The following ZFP37 variants were observed in gnomAD, a reference collection of about 807,000 sequenced individuals.
ZFP37 encodes ZFP37 zinc finger protein.
In ZFP37, 38 loss-of-function variants were observed where a neutral mutation model predicts 52.1. The observed-to-expected ratio is 0.73, with a 90% confidence interval of 0.56 to 0.96. The LOEUF is 0.96. Among genes scored for constraint, ZFP37 ranks in the 40% least tolerant of loss-of-function variants. The pLI, the probability that ZFP37 is intolerant of heterozygous loss-of-function variation, is 0.00. For synonymous variants in ZFP37, 253 were observed against 259.5 expected (o/e 0.98, Z 0.24); for missense variants, 695 against 741.4 (o/e 0.94, Z 0.73).
chr9:113,055,398 T>C (rs889645579), intron 1 of ZFP37, among the ~76,000 whole-genome samples: 4 of 152,262 alleles, frequency 2.6e-5, no homozygotes, highest in Admixed American at 2.6e-4. Flanking sequence ...GTTTATATTT[T>C]ATGATATCTT....
Position 113,042,978 on chromosome 9 carries a change from C to T in ZFP37, c.1640G>A (p.Cys547Tyr), listed in dbSNP as rs903618259. 6.2e-7 allele frequency: 1 copy of T among 1,613,896 alleles called. No individual in the cohort carries two copies. ...GCTAAAGGCTTTCCCACATTCATTA[C>T]ACTCATACGGTTTCTCTCCAGTATG... ...RVHTGEKPYE[C>Y]NECGKAFSQK... Residue 547 changes from cysteine to tyrosine, a missense_variant, in exon 4 of 4, where the codon TGT becomes TAT. Physicochemically the swap from Cys to Tyr is radical, Grantham distance 194. Coordinates refer to ENST00000374227, the MANE Select transcript of ZFP37 (RefSeq NM_003408.3).
At position 113,056,644 on chromosome 9, in the gene ZFP37, G is replaced by C. The variant is rs776761438; in HGVS notation, c.45C>G (p.Thr15=). The C allele has an allele frequency of 1.9e-6, 3 of 1,613,744 alleles. No individual in the cohort carries two copies. Among genetic ancestry groups the C allele is most frequent in the Non-Finnish European group, 2.5e-6 (3 of 1,179,944 alleles). Residue 15 remains threonine, a synonymous_variant, in exon 1 of 4, where the codon ACC becomes ACG. Coordinates refer to ENST00000374227, the MANE Select transcript of ZFP37 (RefSeq NM_003408.3). ...TTTCCGCACTTCTCCTCCGGTCCAC[G>C]GTCTCTGGCTTTGTCAGAATCTGGA... The part of the protein sequence containing the change: ...SGVQILTKPE[T]VDRRRSAETT...
rs748721429 is a variant in ZFP37, at chr9:113,042,818, G to C, written c.1800C>G (p.Pro600=). 5.6e-6 allele frequency: 9 copies of C among 1,613,122 alleles called. No homozygotes were observed. Among genetic ancestry groups the C allele is most frequent in the Admixed American group, 5.0e-5 (3 of 59,872 alleles). ...IHQRSHTGEK[P]YECNECGKTF... The stretch of plus-strand genomic sequence containing the variant: ...TTTTCCCACATTCATTACATTCATA[G>C]GGTTTTTCTCCAGTGTGGGATCGCT... The change falls in exon 4 of 4, where the codon CCC becomes CCG. Residue 600 remains proline (P), a synonymous_variant. Transcript: ENST00000374227.
rs541556337 is a variant in ZFP37, at chr9:113,038,520, C to T, written c.*4205G>A. 26 of 151,654 alleles carry T rather than the reference C, an allele frequency of 1.7e-4. No individual in the cohort carries two copies. The highest frequency in any genetic ancestry group is 6.3e-4 in the African/African-American group (26 of 41,304). 9.4% of individuals were successfully genotyped at this position (151,654 alleles called of 1,614,324 possible). On this transcript the variant is annotated 3_prime_UTR_variant, in exon 4 of 4. Transcript: ENST00000374227. Reference sequence around the variant, plus strand: ...AGATTTGGCCAAATGTGGTAGCTCACACTTTTAATCACAGCACTTTGGGAG... The same window carrying T: ...AGATTTGGCCAAATGTGGTAGCTCATACTTTTAATCACAGCACTTTGGGAG...
At chr9:113,045,999 A>G (rs748237250) in intron 3 of ZFP37, among the ~76,000 whole-genome samples, 10 of 152,144 alleles carry the variant, frequency 6.6e-5, no homozygotes, top group Non-Finnish European at 1.2e-4. Flanking sequence ...ACACTGAGAA[A>G]GTGAAAACTG....
chr9:113,056,019 C>T (rs1829136334), intron 1 of ZFP37, among the ~76,000 whole-genome samples: 1 of 145,946 alleles, frequency 6.9e-6, no homozygotes, highest in African/African-American at 2.5e-5. Context: ...ATTCCCCCCT[C>T]ACTGGCCCCC....
intron 3 of ZFP37, among the ~76,000 whole-genome samples, chr9:113,048,350 G>C (rs1483204041): frequency 1.3e-5 from 2 of 152,046 alleles, no homozygotes; most frequent in Non-Finnish European, 2.9e-5. Flanking sequence ...TTGCAAAGAG[G>C]GCAGATCTAA....
rs921457099 is a variant in ZFP37, at chr9:113,038,414, G to A, written c.*4311C>T. 9.9e-5 allele frequency: 15 copies of A among 151,942 alleles called. No homozygotes were observed. The highest frequency in any genetic ancestry group is 3.6e-4 in the African/African-American group (15 of 41,368). The allele number at this position is 151,942 out of a possible 1,614,324, so 9.4% of individuals were successfully genotyped here. A position where few individuals can be genotyped will look rare whatever the true frequency, so the allele number is the denominator to read the frequency against. The stretch of plus-strand genomic sequence containing the variant: ...CTGTTTTTTATTTAGTATTTTAGAT[G>A]CTACAGGTTGGTTTGTACAACATCC... On this transcript the variant is annotated 3_prime_UTR_variant, in exon 4 of 4. Coordinates refer to ENST00000374227, the MANE Select transcript of ZFP37 (RefSeq NM_003408.3).
At position 113,040,174 on chromosome 9, in the gene ZFP37, C is replaced by T. The variant is rs1828823902; in HGVS notation, c.*2551G>A. ...TAACTTTTAATTCATTTTATTACTG[C>T]ACAAAGTGGCTTTCAGCATTCATTT... On this transcript the variant is annotated 3_prime_UTR_variant, in exon 4 of 4. Transcript: ENST00000374227. The T allele has an allele frequency of 6.6e-6, 1 of 152,194 alleles. No homozygotes were observed. The highest frequency in any genetic ancestry group is 2.4e-5 in the African/African-American group (1 of 41,454). The allele number at this position is 152,194 out of a possible 1,614,324, so 9.4% of individuals were successfully genotyped here.
intron 1 of ZFP37, among the ~76,000 whole-genome samples, chr9:113,053,657 A>G (rs767890824): frequency 2.8e-4 from 43 of 152,194 alleles, no homozygotes; most frequent in Non-Finnish European, 5.7e-4. Context: ...AATTTGCTTT[A>G]TGCTTTCAAG....
chr9:113,056,633 C>T lies in ZFP37; in HGVS notation c.56G>A (p.Arg19Lys). The T allele has an allele frequency of 6.2e-7, 1 of 1,613,998 alleles. No individual in the cohort carries two copies. The highest frequency in any genetic ancestry group is 8.5e-7 in the Non-Finnish European group (1 of 1,179,980). The change falls in exon 1 of 4, where the codon AGG (arginine) becomes AAG (lysine). Residue 19 changes from arginine (R) to lysine (K), a missense_variant. Arg to Lys is a conservative substitution (Grantham distance 26). Transcript: ENST00000374227. ...ILTKPETVDR[R>K]RSAETTKEAG... is the part of the protein sequence containing the mutation. The stretch of plus-strand genomic sequence containing the variant: ...CTCTTTGGTCGTTTCCGCACTTCTC[C>T]TCCGGTCCACGGTCTCTGGCTTTGT...
rs769831575 is a variant in ZFP37 at position 113,043,927 on chromosome 9, C to T, written c.691G>A (p.Glu231Lys). ...KGKKQTGKKH[E>K]KLSSHSSSDK... ...GATGAGCTATGGCTGGATAATTTCT[C>T]ATGTTTCTTTCCAGTTTGCTTTTTG... Residue 231 changes from glutamate (E) to lysine (K), a missense_variant, in exon 4 of 4, where the codon GAG becomes AAG. Coordinates refer to ENST00000374227, the MANE Select transcript of ZFP37 (RefSeq NM_003408.3). 1.2e-6 allele frequency: 2 copies of T among 1,614,008 alleles called. No homozygotes were observed. The highest frequency in any genetic ancestry group is 1.7e-6 in the Non-Finnish European group (2 of 1,179,942).
intron 3 of ZFP37, 65 bp from the exon 4 acceptor site, chr9:113,044,333 G>T (rs1445195981): frequency 7.0e-7 from 1 of 1,431,386 alleles, no homozygotes; most frequent in Non-Finnish European, 9.3e-7. Flanking sequence ...GAATAAAACT[G>T]GTAAAGAAAT....
At chr9:113,051,319 TAGGC>T (rs1434941983) in intron 1 of ZFP37, among the ~76,000 whole-genome samples, 2 of 152,158 alleles carry the variant, frequency 1.3e-5, no homozygotes, top group African/African-American at 2.4e-5. Flanking sequence ...GTCCTCTTAT[TAGGC>T]AGGTGGGGGA....
chr9:113,043,355 G>T lies in ZFP37; in HGVS notation c.1263C>A (p.Thr421=), dbSNP rs373377090. 6.2e-7 allele frequency: 1 copy of T among 1,614,016 alleles called. No individual in the cohort carries two copies. Among genetic ancestry groups the T allele is most frequent in the Non-Finnish European group, 8.5e-7 (1 of 1,179,970 alleles). The change falls in exon 4 of 4, where the codon ACC becomes ACA. Residue 421 remains threonine, a synonymous_variant. Coordinates refer to ENST00000374227, the MANE Select transcript of ZFP37 (RefSeq NM_003408.3). ...CACCTGTATGTGTTCTCACATGTTC[G>T]GTAAGAGATGAGTTATACCTAAAAG... ...GKSFRYNSSL[T]EHVRTHTGEI...
At chr9:113,050,549 T>C (rs1391705725) in intron 1 of ZFP37, among the ~76,000 whole-genome samples, 2 of 151,960 alleles carry the variant, frequency 1.3e-5, no homozygotes, top group Non-Finnish European at 2.9e-5. Context: ...AAAAGGCTAT[T>C]GAGCAGTATT....
chr9:113,051,793 G>GC (rs1163578232), intron 1 of ZFP37, among the ~76,000 whole-genome samples: 6 of 152,038 alleles, frequency 3.9e-5, no homozygotes, highest in Non-Finnish European at 7.4e-5. Flanking sequence ...CATCAAATTA[G>GC]CCCCACAGAC....
rs368873222 is a variant in ZFP37, at chr9:113,056,697, C to T, written c.-9G>A. 1.2e-5 allele frequency: 20 copies of T among 1,610,810 alleles called. No homozygotes were observed. The highest frequency in any genetic ancestry group is 9.3e-5 in the African/African-American group (7 of 74,904). ...CCGCTGGAGACCGACATGGCGGCTA[C>T]CCGGAGGGCGGCCTTAGCGGGTCCG... On this transcript the variant is annotated 5_prime_UTR_variant, in exon 1 of 4. Coordinates refer to ENST00000374227, the MANE Select transcript of ZFP37 (RefSeq NM_003408.3).
chr9:113,056,540 C>T lies in ZFP37; in HGVS notation c.132+17G>A, dbSNP rs371046004. On this transcript the variant is annotated intron_variant, in intron 1 of 3. Transcript: ENST00000374227. ...ATCTCTGACCGCCAAAACACCCTGT[C>T]TCATCACAGCTCTCACCGCGGCGCT... 18 of 1,612,290 alleles carry T rather than the reference C, an allele frequency of 1.1e-5. No homozygotes were observed. Among genetic ancestry groups the T allele is most frequent in the Middle Eastern group, 3.3e-4 (2 of 6,056 alleles).
Sources: allele counts gnomAD v4.1 joint callset (sites outside exome capture counted in the v4.1 genomes callset), GRCh38; gene constraint gnomAD v4.1.1; transcripts MANE v1.5; gene names NCBI Gene and HGNC (gene_info 2026-07-23, HGNC 2026-07-21).